CBLB: variants seen among roughly 807,000 people sequenced by gnomAD.
The protein encoded by CBLB is Cbl proto-oncogene B.
A neutral mutation model predicts 104.9 loss-of-function variants in CBLB; 31 were observed. The observed-to-expected ratio is 0.30, with a 90% CI of 0.22 to 0.40. The LOEUF is 0.40. Among genes scored for constraint, CBLB ranks in the 10% least tolerant of loss-of-function variants. The pLI is 1.00. For synonymous variants in CBLB, 440 were observed against 422.6 expected (o/e 1.04, Z -0.51); for missense variants, 1,062 against 1,214.6 (o/e 0.87, Z 1.87).
At chr3:105,671,461 T>C (rs2065051942) in intron 17 of CBLB, 1 of 215,798 alleles carries the variant, frequency 4.6e-6, no homozygotes, top group East Asian at 6.9e-5. Flanking sequence ...TATTTACTTT[T>C]AACTACCACA....
intron 10 of CBLB, among the ~76,000 whole-genome samples, chr3:105,719,717 T>G (rs1477105322): frequency 6.6e-6 from 1 of 152,242 alleles, no homozygotes; most frequent in Admixed American, 6.5e-5. Context: ...TTTATCATTA[T>G]TTTAGAGTAT....
rs560545688 is a variant in CBLB, at chr3:105,785,145, A to G, written c.420-8603T>C. 3.9e-5 allele frequency among the ~76,000 whole-genome samples: 6 copies of G among 152,324 alleles called. No homozygotes were observed. The East Asian group carries it at 9.6e-4, about 24-fold the overall frequency. On this transcript the variant is annotated intron_variant, in intron 3 of 18. Transcript: ENST00000394030. ...CGCACATCTTTGTTAGAGAAGAAAAAGTCTTACACCTGTAACAACTTCTTA... is the reference window on the plus strand; with the variant it reads ...CGCACATCTTTGTTAGAGAAGAAAAGGTCTTACACCTGTAACAACTTCTTA...
At chr3:105,717,388 G>A (rs1027549382) in intron 10 of CBLB, among the ~76,000 whole-genome samples, 4 of 152,110 alleles carry the variant, frequency 2.6e-5, no homozygotes, top group African/African-American at 7.2e-5. Flanking sequence ...TTCTTTAAAT[G>A]CTTACTATGT....
chr3:105,701,717 C>A (rs2069139257), intron 12 of CBLB, among the ~76,000 whole-genome samples: 1 of 150,742 alleles, frequency 6.6e-6, no homozygotes, highest in Non-Finnish European at 1.5e-5. Context: ...GAGCCGAGAT[C>A]ACGCCACTGC....
chr3:105,695,368 A>G (rs955812205), intron 12 of CBLB, among the ~76,000 whole-genome samples: 2 of 151,822 alleles, frequency 1.3e-5, no homozygotes, highest in African/African-American at 4.8e-5. Flanking sequence ...AATACACTCA[A>G]ACATTTACTG....
At chr3:105,811,003 A>G (rs1477548086) in intron 3 of CBLB, among the ~76,000 whole-genome samples, 1 of 152,170 alleles carries the variant, frequency 6.6e-6, no homozygotes, top group Non-Finnish European at 1.5e-5. Flanking sequence ...ACTTTTTATT[A>G]TCAAAGCCAT....
chr3:105,679,005 A>G (rs1015344264), intron 16 of CBLB, among the ~76,000 whole-genome samples: 1 of 152,216 alleles, frequency 6.6e-6, no homozygotes, highest in Non-Finnish European at 1.5e-5. Context: ...TCAAATACAT[A>G]TAATTTAATG....
intron 4 of CBLB, among the ~76,000 whole-genome samples, chr3:105,754,280 G>A (rs2076842593): frequency 1.3e-5 from 2 of 152,016 alleles, no homozygotes; most frequent in African/African-American, 4.8e-5. Flanking sequence ...AAGACTAAGT[G>A]GCTACCATTC....
At position 105,670,370 on chromosome 3, in the gene CBLB, G is replaced by C; in HGVS notation, c.2570-18C>G. 4 of 1,604,116 alleles carry C rather than the reference G, an allele frequency of 2.5e-6. No homozygotes were observed. The highest frequency in any genetic ancestry group is 2.6e-6 in the Non-Finnish European group (3 of 1,172,246). ...AAAGGGATCTTAAAAATAAAAACAA[G>C]TTTCAAATTAAAAGGATGATCTCTG... On this transcript the variant is annotated intron_variant, in intron 17 of 18. Coordinates refer to ENST00000394030, the MANE Select transcript of CBLB (RefSeq NM_170662.5).
intron 14 of CBLB, among the ~76,000 whole-genome samples, chr3:105,684,030 T>C (rs963697410): frequency 5.3e-5 from 8 of 152,244 alleles, no homozygotes; most frequent in Admixed American, 3.9e-4. Flanking sequence ...AAACATTTTT[T>C]AGTTTTTCAT....
At position 105,816,820 on chromosome 3, in the gene CBLB, T is replaced by C. The variant is rs143971887; in HGVS notation, c.419+36594A>G. 3.9e-3 allele frequency among the ~76,000 whole-genome samples: 595 copies of C among 152,202 alleles called. 2 individuals carry two copies. Among genetic ancestry groups the C allele is most frequent in the African/African-American group, 0.014 (568 of 41,528 alleles). Reference sequence around the variant, plus strand: ...CACTGCTGCGGTGGATACCAAAAAGTATATGGTCTCTTATTAATGGAACCT... The same window carrying C: ...CACTGCTGCGGTGGATACCAAAAAGCATATGGTCTCTTATTAATGGAACCT... On this transcript the variant is annotated intron_variant, in intron 3 of 18. Coordinates refer to ENST00000394030, the MANE Select transcript of CBLB (RefSeq NM_170662.5).
chr3:105,772,960 A>T lies in CBLB; in HGVS notation c.566+3436T>A, dbSNP rs988755804. Among the ~76,000 whole-genome samples the T allele has an allele frequency of 5.3e-5, 8 of 152,320 alleles. 1 individual carries two copies. The highest frequency in any genetic ancestry group is 1.7e-4 in the African/African-American group (7 of 41,564). On this transcript the variant is annotated intron_variant, in intron 4 of 18. Transcript: ENST00000394030. Reference sequence around the variant, plus strand: ...GTGGGAGTATGAATTAGTAACAACCACTATGGAAAACAGTATGGAGACTCT... The same window carrying T: ...GTGGGAGTATGAATTAGTAACAACCTCTATGGAAAACAGTATGGAGACTCT...
intron 4 of CBLB, among the ~76,000 whole-genome samples, chr3:105,763,130 G>A (rs1356088627): frequency 6.6e-6 from 1 of 152,174 alleles, no homozygotes; most frequent in Non-Finnish European, 1.5e-5. Context: ...CAGAATGGCT[G>A]TATTTCCCAG....
chr3:105,866,727 A>T (rs1402119994), intron 2 of CBLB, among the ~76,000 whole-genome samples: 1 of 152,182 alleles, frequency 6.6e-6, no homozygotes, highest in Admixed American at 6.5e-5. Context: ...GTGAAATTAT[A>T]GTTTGTCTGA....
chr3:105,715,810 G>A (rs901585963), intron 10 of CBLB, among the ~76,000 whole-genome samples: 10 of 152,108 alleles, frequency 6.6e-5, no homozygotes, highest in African/African-American at 9.7e-5. Context: ...AGGCTGAGGC[G>A]GCTGGATCAC....
intron 3 of CBLB, among the ~76,000 whole-genome samples, chr3:105,778,218 A>G (rs1394828130): frequency 6.6e-6 from 1 of 152,094 alleles, no homozygotes; most frequent in African/African-American, 2.4e-5. Context: ...ACACAGAGAA[A>G]GTCATCAAAT....
intron 3 of CBLB, among the ~76,000 whole-genome samples, chr3:105,849,664 C>T (rs1329125945): frequency 2.6e-5 from 4 of 152,126 alleles, no homozygotes; most frequent in African/African-American, 9.6e-5. Context: ...AAGTGGGATA[C>T]AAGTTTACCA....
intron 3 of CBLB, among the ~76,000 whole-genome samples, chr3:105,804,962 T>A (rs1015781575): frequency 2.0e-5 from 3 of 152,186 alleles, no homozygotes; most frequent in African/African-American, 7.2e-5. Flanking sequence ...TATCAGTTCC[T>A]CTTCTTCACT....
In CBLB at chr3:105,701,767, A is replaced by C. The variant is rs200098045; in HGVS notation, c.1959+327T>G. Among the ~76,000 whole-genome samples, 16 of 150,262 alleles carry C rather than the reference A, an allele frequency of 1.1e-4. No individual in the cohort carries two copies. The South Asian group carries it at 2.9e-3, about 28-fold the overall frequency. On this transcript the variant is annotated intron_variant, in intron 12 of 18. Coordinates refer to ENST00000394030, the MANE Select transcript of CBLB (RefSeq NM_170662.5). ...GGCAAGAGCGAGGCTTCGTCTCAAA[A>C]AAAAAAAAAAATGCAGGCTGATTAT...
Sources: gnomAD v4.1 joint callset for allele counts (sites outside exome capture counted in the v4.1 genomes callset) on GRCh38, gnomAD v4.1.1 for gene constraint, MANE v1.5 for transcripts, NCBI Gene and HGNC (gene_info 2026-07-23, HGNC 2026-07-21) for gene names.